DDAH1: variants seen among roughly 807,000 people sequenced by gnomAD.
DDAH1 encodes N(G),N(G)-dimethylarginine dimethylaminohydrolase 1.
A neutral mutation model predicts 28.8 loss-of-function variants in DDAH1; 19 were observed. The ratio of observed to expected loss-of-function variants is 0.66; its 90% CI spans 0.46 to 0.97. The LOEUF is 0.97. Ranked by LOEUF, DDAH1 falls within the 50% of genes least tolerant of loss-of-function variation. DDAH1 has a pLI of 0.00. For missense variants in DDAH1, 326 were observed against 375.9 expected (o/e 0.87, Z 1.10); for synonymous variants, 153 against 154.4 (o/e 0.99, Z 0.07).
At chr1:85,534,869 C>T (rs1658217676) in intron 1 of DDAH1, among the ~76,000 whole-genome samples, 1 of 152,142 alleles carries the variant, frequency 6.6e-6, no homozygotes, top group African/African-American at 2.4e-5. Flanking sequence ...TATTATATAG[C>T]ATATATTTGA....
chr1:85,535,042 A>C (rs1658228096), intron 1 of DDAH1, among the ~76,000 whole-genome samples: 1 of 151,852 alleles, frequency 6.6e-6, no homozygotes, highest in Admixed American at 6.6e-5. Context: ...TGGAAATGAG[A>C]TGAAAGTCTT....
At chr1:85,422,672 G>C (rs1411528981) in intron 1 of DDAH1, among the ~76,000 whole-genome samples, 1 of 152,176 alleles carries the variant, frequency 6.6e-6, no homozygotes, top group Non-Finnish European at 1.5e-5. Context: ...ACTGAGTGGT[G>C]CTATGGACTG....
intron 2 of DDAH1, among the ~76,000 whole-genome samples, chr1:85,355,085 G>C (rs1040988400): frequency 6.6e-6 from 1 of 152,096 alleles, no homozygotes; most frequent in Non-Finnish European, 1.5e-5. Flanking sequence ...AGCTATAGTT[G>C]CTGTGAAGCT....
chr1:85,409,969 AT>A (rs1652571431), intron 1 of DDAH1, among the ~76,000 whole-genome samples: 2 of 152,216 alleles, frequency 1.3e-5, no homozygotes, highest in African/African-American at 4.8e-5. Flanking sequence ...CCTTATGTAT[AT>A]ATCAACAGAG....
At chr1:85,359,842 G>T (rs947863495) in intron 1 of DDAH1, among the ~76,000 whole-genome samples, 3 of 152,116 alleles carry the variant, frequency 2.0e-5, no homozygotes, top group Non-Finnish European at 4.4e-5. Context: ...TTGAATTAAG[G>T]AACACTTCTA....
In DDAH1 at chr1:85,320,272, C is replaced by T. The variant is rs891433973; in HGVS notation, c.*1180G>A. 5 of 152,590 alleles carry T rather than the reference C, an allele frequency of 3.3e-5. No homozygotes were observed. Among genetic ancestry groups the T allele is most frequent in the Non-Finnish European group, 5.9e-5 (4 of 68,026 alleles). 9.5% of individuals were successfully genotyped at this position (152,590 alleles called of 1,614,324 possible). ...AATTGGATCCCACAGTAAATATTCA[C>T]GGATATTTCAAAGTAGAATTGTCCA... is the stretch of plus-strand genomic sequence containing the variant. On this transcript the variant is annotated 3_prime_UTR_variant, in exon 6 of 6. Coordinates refer to ENST00000284031, the MANE Select transcript of DDAH1 (RefSeq NM_012137.4).
chr1:85,477,557 A>T (rs1273240705), intron 2 of DDAH1, among the ~76,000 whole-genome samples: 1 of 151,972 alleles, frequency 6.6e-6, no homozygotes. Context: ...ATCAAGATTA[A>T]CTCACACCAA....
At chr1:85,343,542 C>CA (rs1345412549) in intron 4 of DDAH1, among the ~76,000 whole-genome samples, 3 of 152,164 alleles carry the variant, frequency 2.0e-5, no homozygotes, top group African/African-American at 7.2e-5. Context: ...GATAGTAAGA[C>CA]AAAATTAAAC....
At position 85,347,888 on chromosome 1, in the gene DDAH1, C is replaced by T. The variant is rs912993436; in HGVS notation, c.597+2527G>A. On this transcript the variant is annotated intron_variant, in intron 4 of 5. Transcript: ENST00000284031. ...AAACCTGAGTTTCACCAACCCATTT[C>T]GAACCTGTGACTATTTCCTTAGGAG... Among the ~76,000 whole-genome samples, 10 of 152,162 alleles carry T rather than the reference C, an allele frequency of 6.6e-5. No homozygotes were observed. The East Asian group carries it at 7.7e-4, about 12-fold the overall frequency.
chr1:85,565,169 T>C (rs1296645459), intron 1 of DDAH1, among the ~76,000 whole-genome samples: 2 of 151,794 alleles, frequency 1.3e-5, no homozygotes, highest in Non-Finnish European at 2.9e-5. Context: ...GCCACTGTAC[T>C]CCAGCCTAGG....
At chr1:85,455,271 A>C (rs1294368350) in intron 1 of DDAH1, among the ~76,000 whole-genome samples, 1 of 152,140 alleles carries the variant, frequency 6.6e-6, no homozygotes, top group Admixed American at 6.5e-5. Flanking sequence ...AAAAGAATAA[A>C]ATGGCTATGT....
intron 5 of DDAH1, 129 bp downstream of exon 5, chr1:85,324,611 A>G (rs1397870816): frequency 2.8e-6 from 3 of 1,068,492 alleles, no homozygotes; most frequent in South Asian, 1.8e-5. Context: ...CCTAAATTGT[A>G]TTATCCTTTC....
chr1:85,518,628 T>C (rs637917), intron 1 of DDAH1, among the ~76,000 whole-genome samples: 69,917 of 151,984 alleles, frequency 0.46, 17,612 homozygotes, highest in African/African-American at 0.69. Flanking sequence ...GAAAAGGCTC[T>C]ACCTTTAAGG....
At chr1:85,390,791 C>G (rs2100553856) in intron 1 of DDAH1, among the ~76,000 whole-genome samples, 1 of 152,322 alleles carries the variant, frequency 6.6e-6, no homozygotes, top group African/African-American at 2.4e-5. Flanking sequence ...CATCTGACAA[C>G]TCTGCCTTCC....
intron 1 of DDAH1, among the ~76,000 whole-genome samples, chr1:85,430,436 A>G (rs942606410): frequency 6.6e-6 from 1 of 152,232 alleles, no homozygotes; most frequent in Admixed American, 6.5e-5. Context: ...TTCTGTGAAG[A>G]AAGTCAGTGG....
chr1:85,466,832 C>CTTTTTTTGTTTTTT (rs1655400144), upstream of DDAH1, among the ~76,000 whole-genome samples: 1 of 70,738 alleles, frequency 1.4e-5, no homozygotes, highest in Non-Finnish European at 2.4e-5. Context: ...ATTATTTATT[C>CTTTTTTTGTTTTTT]TTTTTTTTTT....
intron 2 of DDAH1, among the ~76,000 whole-genome samples, chr1:85,488,917 T>A (rs766071364): frequency 2.6e-5 from 4 of 152,226 alleles, no homozygotes; most frequent in Admixed American, 6.5e-5. Context: ...GCATTCTGAA[T>A]CAAATACGGT....
chr1:85,464,987 G>A lies in DDAH1; in HGVS notation c.59C>T (p.Ala20Val). 2 of 1,420,542 alleles carry A rather than the reference G, an allele frequency of 1.4e-6. No individual in the cohort carries two copies. Among genetic ancestry groups the A allele is most frequent in the Non-Finnish European group, 1.8e-6 (2 of 1,088,582 alleles). 88.0% of individuals were successfully genotyped at this position (1,420,542 alleles called of 1,614,324 possible). A position where few individuals can be genotyped will look rare whatever the true frequency, so the allele number is the denominator to read the frequency against. The change falls in exon 1 of 6, where the codon GCG becomes GTG. Residue 20 changes from alanine to valine, a missense_variant. Physicochemically the swap from Ala to Val is moderately conservative, Grantham distance 64 (BLOSUM62 0). Transcript: ENST00000284031. This position sits in a 1 kb window ranked among gnomAD's most constrained non-coding sequence, Gnocchi z 4.4. The stretch of plus-strand genomic sequence containing the variant: ...GTGCTGGCCGAGCGACTCGGGTAGC[G>A]CCCGCACCACGGCGTGGGTGGCCCG... The part of the protein sequence containing the change: ...FGRATHAVVR[A>V]LPESLGQHAL...
At chr1:85,344,798 T>C (rs923921715) in intron 4 of DDAH1, among the ~76,000 whole-genome samples, 4 of 152,140 alleles carry the variant, frequency 2.6e-5, no homozygotes, top group Non-Finnish European at 5.9e-5. Context: ...CAGGGATGGA[T>C]CTAGAAAAAG....
Sources: gnomAD v4.1 joint callset for allele counts (sites outside exome capture counted in the v4.1 genomes callset) on GRCh38, gnomAD v4.1.1 for gene constraint, Gnocchi (gnomAD v3.1) non-coding constraint, MANE v1.5 for transcripts, NCBI Gene and HGNC (gene_info 2026-07-23, HGNC 2026-07-21) for gene names.